The following ARMH3 variants were observed in gnomAD, a reference collection of about 807,000 sequenced individuals.
The protein encoded by ARMH3 is armadillo like helical domain containing 3, also known as armadillo-like helical domain-containing protein 3.
ARMH3 carries 60 observed loss-of-function variants against 99.1 expected under a neutral mutation model. The ratio of observed to expected loss-of-function variants is 0.61; its 90% CI spans 0.49 to 0.75. The LOEUF is 0.75. Among genes scored for constraint, ARMH3 ranks in the 30% least tolerant of loss-of-function variants. The pLI, the probability that ARMH3 is intolerant of heterozygous loss-of-function variation, is 0.00. For missense variants in ARMH3, 679 were observed against 843.1 expected (o/e 0.81, Z 2.41); for synonymous variants, 285 against 292.8 (o/e 0.97, Z 0.27).
At chr10:101,880,115 A>G (rs899923304) in intron 24 of ARMH3, among the ~76,000 whole-genome samples, 2 of 152,248 alleles carry the variant, frequency 1.3e-5, no homozygotes, top group Non-Finnish European at 2.9e-5. Flanking sequence ...CAAAGCAACC[A>G]TCATTCATGG....
At chr10:101,970,806 G>A (rs559399867) in intron 20 of ARMH3, among the ~76,000 whole-genome samples, 9 of 149,942 alleles carry the variant, frequency 6.0e-5, no homozygotes, top group African/African-American at 2.0e-4. Flanking sequence ...GCCTGGGCAA[G>A]ACCCTGTCTC....
chr10:101,848,275 G>T (rs1001632239), intron 25 of ARMH3, among the ~76,000 whole-genome samples: 3 of 152,098 alleles, frequency 2.0e-5, no homozygotes, highest in Non-Finnish European at 4.4e-5. Context: ...AGTCTGGGGC[G>T]TATCCTTGCT....
intron 24 of ARMH3, among the ~76,000 whole-genome samples, chr10:101,854,073 AC>A (rs1307503372): frequency 7.2e-5 from 11 of 152,132 alleles, no homozygotes; most frequent in Admixed American, 7.2e-4. Flanking sequence ...AGATCACACC[AC>A]TGCACTCCAG....
chr10:102,043,361 T>C (rs1466526128), intron 1 of ARMH3, among the ~76,000 whole-genome samples: 2 of 152,198 alleles, frequency 1.3e-5, no homozygotes, highest in Non-Finnish European at 2.9e-5. Context: ...CAGACTATTA[T>C]CTAATGATTC....
chr10:101,939,583 T>A (rs929749835), intron 23 of ARMH3, among the ~76,000 whole-genome samples: 4 of 152,160 alleles, frequency 2.6e-5, no homozygotes, highest in African/African-American at 9.7e-5. Context: ...GACCTATACA[T>A]AGAGAACACT....
intron 5 of ARMH3, among the ~76,000 whole-genome samples, chr10:102,028,462 A>C (rs2067050927): frequency 6.6e-6 from 1 of 152,334 alleles, no homozygotes; most frequent in South Asian, 2.1e-4. Flanking sequence ...CATTATTCCT[A>C]ATAGCCAAAA....
intron 2 of ARMH3, among the ~76,000 whole-genome samples, chr10:102,037,702 T>C (rs573999583): frequency 1.3e-5 from 2 of 152,168 alleles, no homozygotes; most frequent in African/African-American, 4.8e-5. Flanking sequence ...CCTCCTATAG[T>C]AGCTAGGAGT....
intron 22 of ARMH3, among the ~76,000 whole-genome samples, chr10:101,941,894 C>T (rs1418908235): frequency 1.3e-5 from 2 of 152,044 alleles, no homozygotes; most frequent in African/African-American, 2.4e-5. Flanking sequence ...ATTGGTTTTT[C>T]ACCAGATCCC....
At chr10:101,851,565 G>C (rs983385265) in intron 24 of ARMH3, among the ~76,000 whole-genome samples, 3 of 152,330 alleles carry the variant, frequency 2.0e-5, no homozygotes, top group Admixed American at 2.0e-4. Context: ...ACAGGCTCTT[G>C]AGGGGCCCAA....
chr10:101,870,653 ACATTAAG>A (rs1469459659), intron 24 of ARMH3, among the ~76,000 whole-genome samples: 2 of 152,222 alleles, frequency 1.3e-5, no homozygotes, highest in East Asian at 3.8e-4. Flanking sequence ...ATGCTACTAA[ACATTAAG>A]CAAGAAATAA....
In ARMH3 at chr10:102,029,578, T is replaced by C. The variant is rs762001474; in HGVS notation, c.414+60A>G. ...TTTGAGTACATTTGTCTGCTGATAGTGTCCAGGAACAGCTGTCAGAAGCTG... is the reference window on the plus strand; with the variant it reads ...TTTGAGTACATTTGTCTGCTGATAGCGTCCAGGAACAGCTGTCAGAAGCTG... On this transcript the variant is annotated intron_variant, in intron 5 of 25. Transcript: ENST00000370033. 15 of 1,614,110 alleles carry C rather than the reference T, an allele frequency of 9.3e-6. No homozygotes were observed. In the South Asian group the frequency reaches 1.2e-4, roughly 13 times the overall value.
chr10:102,029,802 C>G lies in ARMH3; in HGVS notation c.307-57G>C, dbSNP rs907484044. ...AGAGGAAGTCTCAGGGTCTGTAGAC[C>G]CACATTGCAGCCTCATCCTTACACA... On this transcript the variant is annotated intron_variant, in intron 4 of 25. Coordinates refer to ENST00000370033, the MANE Select transcript of ARMH3 (RefSeq NM_024541.3). 7.3e-6 allele frequency: 11 copies of G among 1,511,744 alleles called. No individual in the cohort carries two copies. The African/African-American group carries it at 1.5e-4, about 21-fold the overall frequency. The allele number at this position is 1,511,744 out of a possible 1,614,324, so 93.6% of individuals were successfully genotyped here.
chr10:101,888,106 G>GCTCA (rs1322295089), intron 24 of ARMH3, among the ~76,000 whole-genome samples: 5 of 148,160 alleles, frequency 3.4e-5, no homozygotes, highest in Non-Finnish European at 7.4e-5. Context: ...ACTAACCAGA[G>GCTCA]CTCACTGTGG....
chr10:101,995,432 A>G (rs1420035450), intron 15 of ARMH3, 77 bp from the exon 16 acceptor site: 4 of 1,218,564 alleles, frequency 3.3e-6, no homozygotes, highest in Admixed American at 2.0e-5. Flanking sequence ...ACAAGGACGT[A>G]TATCATAAAA....
intron 24 of ARMH3, among the ~76,000 whole-genome samples, chr10:101,863,642 G>T (rs776715025): frequency 1.3e-5 from 2 of 152,112 alleles, no homozygotes; most frequent in Non-Finnish European, 2.9e-5. Context: ...TGAAAAAATT[G>T]GTTGTGCATG....
intron 4 of ARMH3, 164 bp downstream of exon 4, chr10:102,032,862 T>C (rs1364174045): frequency 9.9e-6 from 7 of 707,816 alleles, no homozygotes; most frequent in South Asian, 2.2e-5. Flanking sequence ...TTTGTATAAA[T>C]AGAAAGATGG....
intron 22 of ARMH3, among the ~76,000 whole-genome samples, chr10:101,945,101 A>G (rs948963921): frequency 3.3e-5 from 5 of 152,220 alleles, no homozygotes; most frequent in South Asian, 4.1e-4. Context: ...TGAAAATTAA[A>G]CAAAAGCAGA....
chr10:102,005,477 TC>T (rs2066462294), intron 14 of ARMH3, among the ~76,000 whole-genome samples: 1 of 150,866 alleles, frequency 6.6e-6, no homozygotes, highest in Non-Finnish European at 1.5e-5. Context: ...CAATGGCACC[TC>T]CCTGTCATAG....
intron 24 of ARMH3, among the ~76,000 whole-genome samples, chr10:101,888,801 C>T (rs1183328816): frequency 6.6e-6 from 1 of 152,208 alleles, no homozygotes; most frequent in Non-Finnish European, 1.5e-5. Flanking sequence ...CACGCTAACG[C>T]CTCATCTGTA....
Sources: gnomAD v4.1 joint callset for allele counts (sites outside exome capture counted in the v4.1 genomes callset) on GRCh38, gnomAD v4.1.1 for gene constraint, MANE v1.5 for transcripts, NCBI Gene and HGNC (gene_info 2026-07-23, HGNC 2026-07-21) for gene names.